Variants in PPIH observed in about 807,000 individuals in gnomAD.
PPIH encodes peptidylprolyl isomerase H.
Under a neutral mutation model 27.6 loss-of-function variants are expected in PPIH, and 16 were observed. The observed-to-expected ratio is 0.58, with a 90% CI of 0.39 to 0.88. The LOEUF (loss-of-function observed/expected upper bound fraction) is 0.88, where lower values mean the gene tolerates loss of function less well. Among genes scored for constraint, PPIH ranks in the 40% least tolerant of loss-of-function variants. The pLI is 0.00. For synonymous variants in PPIH, 63 were observed against 76.1 expected (o/e 0.83, Z 0.90); for missense variants, 155 against 224.1 (o/e 0.69, Z 1.97).
In PPIH at chr1:42,673,198, C is replaced by T. The variant is rs574260519; in HGVS notation, c.*22-3386C>T. Among the ~76,000 whole-genome samples the T allele has an allele frequency of 7.2e-5, 11 of 152,072 alleles. No individual in the cohort carries two copies. The South Asian group carries it at 1.5e-3, about 20-fold the overall frequency. On this transcript the variant is annotated intron_variant, in intron 9 of 9. Transcript: ENST00000304979. ...TGGGGTTTCACCATGTTGTCCAGGCCGGTCTCAAACTCCTGGCTTCAAGCG... is the reference window on the plus strand; with the variant it reads ...TGGGGTTTCACCATGTTGTCCAGGCTGGTCTCAAACTCCTGGCTTCAAGCG...
rs1286962103 is a variant in PPIH at position 42,666,738 on chromosome 1, C to T, written c.465+151C>T. The stretch of plus-strand genomic sequence containing the variant: ...AAGGGAAGAGAACCACCTAAGTTAG[C>T]CTGTCTGGCCAACACTGAGGTTTGG... On this transcript the variant is annotated intron_variant, in intron 8 of 9. Transcript: ENST00000304979. 4 of 752,116 alleles carry T rather than the reference C, an allele frequency of 5.3e-6. No homozygotes were observed. In the East Asian group the frequency reaches 1.0e-4, roughly 20 times the overall value. 46.6% of individuals were successfully genotyped at this position (752,116 alleles called of 1,614,324 possible). A position where few individuals can be genotyped will look rare whatever the true frequency, so the allele number is the denominator to read the frequency against.
chr1:42,668,153 T>A (rs1455664811), intron 9 of PPIH, among the ~76,000 whole-genome samples: 1 of 152,088 alleles, frequency 6.6e-6, no homozygotes, highest in Non-Finnish European at 1.5e-5. Context: ...TCCAGCCAGG[T>A]GAGGGGTAGT....
At chr1:42,660,818 C>G in intron 4 of PPIH, 44 bp from the exon 5 acceptor site, 1 of 1,477,326 alleles carries the variant, frequency 6.8e-7, no homozygotes, top group Non-Finnish European at 9.2e-7. Flanking sequence ...CTATGTTTTT[C>G]TAAACCATAA....
Position 42,658,511 on chromosome 1 carries a change from AG to A in PPIH, c.66+1del. Reference sequence around the variant, plus strand: ...TTCTTTGATGTCAGTATTGGCGGTCAGGTGAGATCCAGGAGGCTGCCCACAC... The same window carrying A: ...TTCTTTGATGTCAGTATTGGCGGTCAGTGAGATCCAGGAGGCTGCCCACAC... The part of the protein sequence containing the change: ...VVFFDVSIGG[Q>X]EVGRMKIELF... On this transcript the variant is annotated frameshift_variant and splice_region_variant, in exon 1 of 10. Coordinates refer to ENST00000304979, the MANE Select transcript of PPIH (RefSeq NM_006347.4). LOFTEE classifies it high-confidence loss of function. 2 of 1,613,890 alleles carry A rather than the reference AG, an allele frequency of 1.2e-6. No individual in the cohort carries two copies. Among genetic ancestry groups the A allele is most frequent in the Non-Finnish European group, 1.7e-6 (2 of 1,179,732 alleles).
At chr1:42,673,747 C>T (rs1375905141) in intron 9 of PPIH, among the ~76,000 whole-genome samples, 1 of 152,128 alleles carries the variant, frequency 6.6e-6, no homozygotes, top group Non-Finnish European at 1.5e-5. Context: ...ATATTTGGAT[C>T]TTAGGAAAAA....
At chr1:42,661,972 T>C (rs1384238734) in intron 5 of PPIH, among the ~76,000 whole-genome samples, 1 of 152,224 alleles carries the variant, frequency 6.6e-6, no homozygotes, top group Non-Finnish European at 1.5e-5. Flanking sequence ...TGGCATATCT[T>C]TGCCATTTCA....
intron 9 of PPIH, among the ~76,000 whole-genome samples, chr1:42,674,084 AAAGT>A: frequency 6.6e-6 from 1 of 152,390 alleles, no homozygotes; most frequent in Non-Finnish European, 1.5e-5. Context: ...ACAGATTTGA[AAAGT>A]CAGTTCCATC....
chr1:42,663,835 C>T (rs1649184969), intron 5 of PPIH, among the ~76,000 whole-genome samples: 2 of 152,320 alleles, frequency 1.3e-5, no homozygotes, highest in East Asian at 1.9e-4. Flanking sequence ...CTTGATTCCT[C>T]ACTGGGTCAG....
At chr1:42,665,753 G>T (rs1649296791) in intron 6 of PPIH, among the ~76,000 whole-genome samples, 1 of 152,162 alleles carries the variant, frequency 6.6e-6, no homozygotes, top group Non-Finnish European at 1.5e-5. Context: ...GGGAGGCTGA[G>T]GTGGGGAGGA....
At chr1:42,677,340 G>A (rs1316625594), downstream of PPIH, among the ~76,000 whole-genome samples, 4 of 152,094 alleles carry the variant, frequency 2.6e-5, no homozygotes, top group Non-Finnish European at 4.4e-5. Flanking sequence ...CTTGGGGCAC[G>A]TACCTGTAAT....
intron 5 of PPIH, among the ~76,000 whole-genome samples, chr1:42,662,823 A>G (rs1051150292): frequency 2.6e-5 from 4 of 152,210 alleles, no homozygotes; most frequent in African/African-American, 9.7e-5. Flanking sequence ...TTACCTTAGT[A>G]TGTATATGTG....
chr1:42,678,463 G>A (rs750658807), downstream of PPIH, among the ~76,000 whole-genome samples: 5 of 152,154 alleles, frequency 3.3e-5, no homozygotes, highest in South Asian at 4.1e-4. Flanking sequence ...GCAATGGCGC[G>A]ATCTTGGCTC....
At chr1:42,665,358 T>C (rs895931230) in intron 6 of PPIH, among the ~76,000 whole-genome samples, 1 of 151,950 alleles carries the variant, frequency 6.6e-6, no homozygotes, top group African/African-American at 2.4e-5. Flanking sequence ...TGAGCTGAGA[T>C]TGCCCCACTG....
intron 9 of PPIH, among the ~76,000 whole-genome samples, chr1:42,673,946 A>G (rs1399751939): frequency 1.3e-5 from 2 of 152,270 alleles, no homozygotes; most frequent in South Asian, 2.1e-4. Context: ...AGAATTACCT[A>G]TAGATGCGAG....
In PPIH at chr1:42,665,006, C is replaced by G. The variant is rs754252998; in HGVS notation, c.336+51C>G. On this transcript the variant is annotated intron_variant, in intron 6 of 9. Coordinates refer to ENST00000304979, the MANE Select transcript of PPIH (RefSeq NM_006347.4). Reference sequence around the variant, plus strand: ...GGGTTATAGCCAGCTGGTTCCTGGGCCCCTCTTGAGGCCCAGTGCTGTCTC... The same window carrying G: ...GGGTTATAGCCAGCTGGTTCCTGGGGCCCTCTTGAGGCCCAGTGCTGTCTC... The G allele has an allele frequency of 1.1e-5, 16 of 1,513,826 alleles. No individual in the cohort carries two copies. The Admixed American group carries it at 2.5e-4, about 24-fold the overall frequency. 93.8% of individuals were successfully genotyped at this position (1,513,826 alleles called of 1,614,324 possible).
intron 3 of PPIH, 95 bp from the exon 4 acceptor site, chr1:42,659,427 T>C: frequency 6.2e-7 from 1 of 1,614,160 alleles, no homozygotes; most frequent in Non-Finnish European, 8.5e-7. Flanking sequence ...CTGTCAACCA[T>C]CTTTAGGAGA....
chr1:42,676,169 G>T (rs1381881492), intron 9 of PPIH, among the ~76,000 whole-genome samples: 1 of 152,160 alleles, frequency 6.6e-6, no homozygotes, highest in Non-Finnish European at 1.5e-5. Flanking sequence ...GATTAGGAGT[G>T]TAGAGAATAG....
At position 42,658,916 on chromosome 1, in the gene PPIH, C is replaced by T. The variant is rs1386402984; in HGVS notation, c.131+8C>T. On this transcript the variant is annotated splice_region_variant and intron_variant, in intron 2 of 9. Transcript: ENST00000304979. ...GACGGCCGAGAACTTTAGGTAAGGA[C>T]GTGCTCCAGCTCCGCTGGATTAGCT... The T allele has an allele frequency of 6.2e-7, 1 of 1,613,838 alleles. No individual in the cohort carries two copies.
chr1:42,658,725 G>A, intron 1 of PPIH, 119 bp from the exon 2 acceptor site: 1 of 1,264,574 alleles, frequency 7.9e-7, no homozygotes, highest in Non-Finnish European at 1.1e-6. Context: ...GTTAGACTAG[G>A]GAGGCGGAGG....
Sources: allele counts gnomAD v4.1 joint callset (sites outside exome capture counted in the v4.1 genomes callset), GRCh38; gene constraint gnomAD v4.1.1; transcripts MANE v1.5; gene names NCBI Gene and HGNC (gene_info 2026-07-23, HGNC 2026-07-21).